SPTB: variants seen among roughly 807,000 people sequenced by gnomAD.
SPTB encodes spectrin beta chain, erythrocytic.
SPTB carries 45 observed loss-of-function variants against 256.2 expected under a neutral mutation model. The ratio of observed to expected loss-of-function variants is 0.18; its 90% confidence interval spans 0.14 to 0.23. The LOEUF is 0.23. Ranked by LOEUF, SPTB falls within the 10% of genes least tolerant of loss-of-function variation. The pLI is 1.00. For missense variants in SPTB, 2,715 were observed against 3,040.4 expected (o/e 0.89, Z 2.52); for synonymous variants, 1,231 against 1,243.1 (o/e 0.99, Z 0.21).
rs1470365294 is a variant in SPTB, at chr14:64,852,528, G to T, written c.-52+27264C>A. Among the ~76,000 whole-genome samples, 1 of 152,218 alleles carries T rather than the reference G, an allele frequency of 6.6e-6. No individual in the cohort carries two copies. Among genetic ancestry groups the T allele is most frequent in the Non-Finnish European group, 1.5e-5 (1 of 68,040 alleles). On this transcript the variant is annotated intron_variant, in intron 1 of 35. Coordinates refer to ENST00000644917, the MANE Select transcript of SPTB (RefSeq NM_001355436.2). The surrounding 1 kb of genome is among the most constrained non-coding windows in gnomAD (Gnocchi z 4.2). ...AAGATTACAGGCAGGGAACTGATTA[G>T]GATGTCACTGCAGTAACTGAGACAA...
At chr14:64,750,751 G>C (rs985247202) in intron 33 of SPTB, among the ~76,000 whole-genome samples, 1 of 150,836 alleles carries the variant, frequency 6.6e-6, no homozygotes, top group Non-Finnish European at 1.5e-5. Flanking sequence ...ACTTCAGCCT[G>C]GGTGACAGAG....
Position 64,796,477 on chromosome 14 carries a change from C to G in SPTB, c.1341+80G>C, listed in dbSNP as rs2082771084. The G allele has an allele frequency of 1.2e-6, 2 of 1,601,062 alleles. No homozygotes were observed. Among genetic ancestry groups the G allele is most frequent in the South Asian group, 1.1e-5 (1 of 90,482 alleles). On this transcript the variant is annotated intron_variant, in intron 11 of 35. Coordinates refer to ENST00000644917, the MANE Select transcript of SPTB (RefSeq NM_001355436.2). The surrounding 1 kb of genome is among the most constrained non-coding windows in gnomAD (Gnocchi z 4.1). ...ACGAGGAGAGGCTGTGAGAAGCCAG[C>G]TTGGACTCCAGCCCAGCCAAGAGCT...
chr14:64,776,743 A>G (rs1228008438), intron 22 of SPTB, among the ~76,000 whole-genome samples: 6 of 152,164 alleles, frequency 3.9e-5, no homozygotes, highest in Admixed American at 3.9e-4. Flanking sequence ...CGCCCGGCCT[A>G]AAAGGGTATT....
At chr14:64,867,946 T>C (rs957831297) in intron 1 of SPTB, among the ~76,000 whole-genome samples, 2 of 149,312 alleles carry the variant, frequency 1.3e-5, no homozygotes, top group African/African-American at 5.0e-5. Flanking sequence ...GGCAGCAAAG[T>C]CATGGAGGCA....
intron 1 of SPTB, among the ~76,000 whole-genome samples, chr14:64,835,091 C>A (rs1468732205): frequency 6.6e-6 from 1 of 152,156 alleles, no homozygotes; most frequent in African/African-American, 2.4e-5. Flanking sequence ...CACAAGGACT[C>A]CTGAGGGAAC....
At chr14:64,876,793 A>G (rs977294388) in intron 1 of SPTB, among the ~76,000 whole-genome samples, 30 of 152,182 alleles carry the variant, frequency 2.0e-4, no homozygotes, top group African/African-American at 6.8e-4. Flanking sequence ...TTAAAAACAC[A>G]TCCTCTCATA....
Position 64,779,392 on chromosome 14 carries a change from G to C in SPTB, c.4474-146C>G. On this transcript the variant is annotated intron_variant, in intron 21 of 35. Coordinates refer to ENST00000644917, the MANE Select transcript of SPTB (RefSeq NM_001355436.2). The surrounding 1 kb of genome is among the most constrained non-coding windows in gnomAD (Gnocchi z 4.2). ...ATCAGGGTTTTGCCCCCATTTTATA[G>C]GTTAGAATATTTGGGGATTTTGAAC... 1.3e-6 allele frequency: 1 copy of C among 750,428 alleles called. No individual in the cohort carries two copies. Among genetic ancestry groups the C allele is most frequent in the South Asian group, 1.5e-5 (1 of 64,920 alleles). 46.5% of individuals were successfully genotyped at this position (750,428 alleles called of 1,614,324 possible). A position where few individuals can be genotyped will look rare whatever the true frequency, so the allele number is the denominator to read the frequency against.
intron 32 of SPTB, chr14:64,763,986 C>A: frequency 2.1e-6 from 1 of 470,620 alleles, no homozygotes; most frequent in Non-Finnish European, 4.3e-6. Context: ...CTGGTCCACT[C>A]CCATCAGTTC....
At chr14:64,809,775 CA>C in intron 2 of SPTB, among the ~76,000 whole-genome samples, 1 of 152,084 alleles carries the variant, frequency 6.6e-6, no homozygotes, top group Non-Finnish European at 1.5e-5. Flanking sequence ...AATAAAGACA[CA>C]AAATGTTTCA....
chr14:64,854,210 A>C (rs1450116897), intron 1 of SPTB, among the ~76,000 whole-genome samples: 1 of 146,180 alleles, frequency 6.8e-6, no homozygotes, highest in Non-Finnish European at 1.5e-5. Context: ...ACAAAACAAA[A>C]CAAACAAACA....
intron 1 of SPTB, among the ~76,000 whole-genome samples, chr14:64,854,274 C>CTAT (rs2083834938): frequency 1.4e-5 from 1 of 73,264 alleles, no homozygotes; most frequent in Admixed American, 2.4e-4. Context: ...TTTCCAAACT[C>CTAT]TTTTTTTTTT....
At chr14:64,856,900 C>T (rs1723901605) in intron 1 of SPTB, among the ~76,000 whole-genome samples, 1 of 152,226 alleles carries the variant, frequency 6.6e-6, no homozygotes, top group South Asian at 2.1e-4. Context: ...AGACCTTGGA[C>T]AAGTTCACTG....
chr14:64,851,570 T>C (rs1236048174), intron 1 of SPTB, among the ~76,000 whole-genome samples: 1 of 152,130 alleles, frequency 6.6e-6, no homozygotes, highest in Non-Finnish European at 1.5e-5. Context: ...CTCTTTCCCT[T>C]AAAAGGCATG....
In SPTB at chr14:64,827,530, A is replaced by G. The variant is rs1490389631; in HGVS notation, c.-51-4385T>C. 6.6e-5 allele frequency among the ~76,000 whole-genome samples: 10 copies of G among 152,106 alleles called. No homozygotes were observed. Among genetic ancestry groups the G allele is most frequent in the African/African-American group, 2.4e-4 (10 of 41,418 alleles). ...GGTATTGTGGCAACCCGGTCAGGAG[A>G]TTAAATCCTGAAGTTTCTCTGGTAA... is the stretch of plus-strand genomic sequence containing the variant. On this transcript the variant is annotated intron_variant, in intron 1 of 35. Transcript: ENST00000644917. This position sits in a 1 kb window ranked among gnomAD's most constrained non-coding sequence, Gnocchi z 4.6.
At chr14:64,874,967 C>T (rs1261471090) in intron 1 of SPTB, among the ~76,000 whole-genome samples, 2 of 152,112 alleles carry the variant, frequency 1.3e-5, no homozygotes, top group South Asian at 2.1e-4. Flanking sequence ...TGCCTTTTCA[C>T]TTGCTAAATT....
intron 1 of SPTB, among the ~76,000 whole-genome samples, chr14:64,835,244 T>G (rs2083506190): frequency 6.6e-6 from 1 of 152,164 alleles, no homozygotes; most frequent in African/African-American, 2.4e-5. Flanking sequence ...CTTCAGGCCC[T>G]GTAGAGTCCA....
rs1005175507 is a variant in SPTB at position 64,838,408 on chromosome 14, A to G, written c.-51-15263T>C. Among the ~76,000 whole-genome samples the G allele has an allele frequency of 4.6e-5, 7 of 152,362 alleles. 1 individual carries two copies. On this transcript the variant is annotated intron_variant, in intron 1 of 35. Coordinates refer to ENST00000644917, the MANE Select transcript of SPTB (RefSeq NM_001355436.2). Reference sequence around the variant, plus strand: ...CATAAAAGATCAGGTATCATAAAAGAAAGATTTGATCAATTTGACCATCAA... The same window carrying G: ...CATAAAAGATCAGGTATCATAAAAGGAAGATTTGATCAATTTGACCATCAA...
chr14:64,797,201 G>A (rs1594786776), intron 10 of SPTB, among the ~76,000 whole-genome samples: 1 of 152,236 alleles, frequency 6.6e-6, no homozygotes, highest in East Asian at 1.9e-4. Flanking sequence ...GGCTGGGTGT[G>A]ATGGCTCACA....
chr14:64,766,176 G>A (rs2082177382), intron 32 of SPTB, among the ~76,000 whole-genome samples: 2 of 148,888 alleles, frequency 1.3e-5, no homozygotes, highest in South Asian at 2.1e-4. Flanking sequence ...ATGTGTATGT[G>A]TGTGTGTATG....
Sources: allele counts gnomAD v4.1 joint callset (sites outside exome capture counted in the v4.1 genomes callset), GRCh38; gene constraint gnomAD v4.1.1; non-coding constraint Gnocchi (gnomAD v3.1); transcripts MANE v1.5; gene names NCBI Gene and HGNC (gene_info 2026-07-23, HGNC 2026-07-21).